The following CPNE4 variants were observed in gnomAD, a reference collection of about 807,000 sequenced individuals.
CPNE4 encodes the protein copine 4.
In CPNE4, 25 loss-of-function variants were observed where a neutral mutation model predicts 67.9. The observed-to-expected ratio is 0.37, with a 90% CI of 0.27 to 0.51. The LOEUF is 0.51. Ranked by LOEUF, CPNE4 falls within the 20% of genes least tolerant of loss-of-function variation. The probability of loss-of-function intolerance (pLI) is 0.93; values close to 1 mark genes in which losing one functional copy is unlikely to be tolerated. For missense variants in CPNE4, 464 were observed against 690.8 expected (o/e 0.67, Z 3.68); for synonymous variants, 242 against 244.9 (o/e 0.99, Z 0.11).
At chr3:131,899,264 C>G (rs902416963) in intron 2 of CPNE4, among the ~76,000 whole-genome samples, 22 of 152,010 alleles carry the variant, frequency 1.4e-4, no homozygotes, top group Non-Finnish European at 2.6e-4. Flanking sequence ...GGCACAAGCA[C>G]GAACCTCGTA....
chr3:132,032,892 C>T (rs575742496), intron 1 of CPNE4, among the ~76,000 whole-genome samples: 12 of 152,362 alleles, frequency 7.9e-5, no homozygotes, highest in Non-Finnish European at 1.8e-4. Context: ...TAAGTTTTTG[C>T]TTGCCTCTGG....
At chr3:131,745,708 G>T (rs549070036) in intron 2 of CPNE4, among the ~76,000 whole-genome samples, 1 of 152,168 alleles carries the variant, frequency 6.6e-6, no homozygotes, top group East Asian at 1.9e-4. Flanking sequence ...GTGTAATTCT[G>T]TGGGTATATT....
At chr3:131,939,016 C>G (rs567091777) in intron 1 of CPNE4, among the ~76,000 whole-genome samples, 2 of 152,256 alleles carry the variant, frequency 1.3e-5, no homozygotes, top group East Asian at 3.9e-4. Context: ...AATGGGCACT[C>G]TCTTGCACCA....
chr3:132,025,662 C>A (rs1421256148), intron 1 of CPNE4, among the ~76,000 whole-genome samples: 1 of 152,184 alleles, frequency 6.6e-6, no homozygotes, highest in Non-Finnish European at 1.5e-5. Flanking sequence ...ATGCCACCAG[C>A]AAATAAAGGT....
At chr3:131,732,212 C>T (rs367915244) in intron 2 of CPNE4, among the ~76,000 whole-genome samples, 2 of 152,256 alleles carry the variant, frequency 1.3e-5, no homozygotes, top group Admixed American at 1.3e-4. Flanking sequence ...ATTTTGACTG[C>T]TGCTTATGTC....
chr3:131,776,974 G>T (rs1355232864), intron 2 of CPNE4, among the ~76,000 whole-genome samples: 1 of 152,114 alleles, frequency 6.6e-6, no homozygotes, highest in African/African-American at 2.4e-5. Flanking sequence ...CTACTCCTGT[G>T]CCCTAGTAGC....
intron 2 of CPNE4, among the ~76,000 whole-genome samples, chr3:131,867,531 G>A (rs2087006110): frequency 1.3e-5 from 2 of 150,736 alleles, no homozygotes; most frequent in Non-Finnish European, 1.5e-5. Flanking sequence ...CGGGTGGGGG[G>A]TCTCCTTGAG....
chr3:131,885,971 T>C (rs1398199565), intron 2 of CPNE4, among the ~76,000 whole-genome samples: 1 of 152,200 alleles, frequency 6.6e-6, no homozygotes, highest in Middle Eastern at 3.2e-3. Context: ...ATCCCATTTT[T>C]TGAAGAGAAA....
intron 7 of CPNE4, among the ~76,000 whole-genome samples, chr3:131,615,197 C>T (rs993032762): frequency 2.0e-5 from 3 of 152,166 alleles, no homozygotes; most frequent in African/African-American, 7.2e-5. Flanking sequence ...TCCTTTCCCT[C>T]ATATTTGCAC....
intron 1 of CPNE4, among the ~76,000 whole-genome samples, chr3:131,926,960 T>C (rs928353540): frequency 1.3e-5 from 2 of 152,082 alleles, no homozygotes; most frequent in African/African-American, 4.8e-5. Context: ...AATTGAGTTA[T>C]AGAATTAGGG....
At chr3:131,854,692 T>C (rs2086367331) in intron 2 of CPNE4, among the ~76,000 whole-genome samples, 1 of 151,844 alleles carries the variant, frequency 6.6e-6, no homozygotes, top group South Asian at 2.1e-4. Flanking sequence ...TCAACATCTT[T>C]AGGCAGAGGG....
intron 2 of CPNE4, among the ~76,000 whole-genome samples, chr3:131,835,736 G>T (rs1485421960): frequency 6.6e-6 from 1 of 152,062 alleles, no homozygotes; most frequent in Non-Finnish European, 1.5e-5. Context: ...ACTTTCCAAA[G>T]GGTCTGTGCA....
chr3:131,749,237 C>T (rs1228972215), intron 2 of CPNE4, among the ~76,000 whole-genome samples: 4 of 152,098 alleles, frequency 2.6e-5, no homozygotes, highest in Non-Finnish European at 5.9e-5. Flanking sequence ...AAGTCTGTTG[C>T]TTGTTTTTCA....
At chr3:131,722,349 C>T (rs986790909) in intron 3 of CPNE4, among the ~76,000 whole-genome samples, 5 of 152,140 alleles carry the variant, frequency 3.3e-5, no homozygotes, top group African/African-American at 1.2e-4. Flanking sequence ...AAGGGGCCCA[C>T]ATGAGAGAGG....
intron 3 of CPNE4, among the ~76,000 whole-genome samples, chr3:131,711,182 A>G (rs1257382189): frequency 2.0e-5 from 3 of 152,226 alleles, no homozygotes; most frequent in Non-Finnish European, 4.4e-5. Context: ...AGGTTACCCT[A>G]TCATTCTCAC....
At chr3:131,828,725 T>C (rs1399656989) in intron 2 of CPNE4, among the ~76,000 whole-genome samples, 1 of 152,168 alleles carries the variant, frequency 6.6e-6, no homozygotes, top group Non-Finnish European at 1.5e-5. Context: ...CATAGCCACT[T>C]GGGAGCCTGA....
intron 2 of CPNE4, among the ~76,000 whole-genome samples, chr3:131,896,824 CT>C (rs1468068223): frequency 6.6e-6 from 1 of 152,026 alleles, no homozygotes; most frequent in African/African-American, 2.4e-5. Context: ...GCACCATGAC[CT>C]TTATTTACCT....
intron 6 of CPNE4, among the ~76,000 whole-genome samples, chr3:131,679,414 T>A (rs2080677941): frequency 6.6e-6 from 1 of 152,152 alleles, no homozygotes; most frequent in Non-Finnish European, 1.5e-5. Context: ...TGGTTTTTTG[T>A]CTCTCTATCT....
At chr3:131,717,874 T>TTTCTCTTTCTTTC (rs2081747183) in intron 3 of CPNE4, among the ~76,000 whole-genome samples, 1 of 97,038 alleles carries the variant, frequency 1.0e-5, no homozygotes, top group African/African-American at 4.9e-5. Flanking sequence ...TCTTTCTTTC[T>TTTCTCTTTCTTTC]TTTCTTTCTT....
Sources: allele counts gnomAD v4.1 joint callset (sites outside exome capture counted in the v4.1 genomes callset), GRCh38; gene constraint gnomAD v4.1.1; transcripts MANE v1.5; gene names NCBI Gene and HGNC (gene_info 2026-07-23, HGNC 2026-07-21).